UACA: variants seen among roughly 807,000 people sequenced by gnomAD.
UACA encodes nuclear membrane binding protein.
In UACA, 112 loss-of-function variants were observed where a neutral mutation model predicts 160.5. The observed-to-expected ratio is 0.70, with a 90% CI of 0.60 to 0.82. UACA has a LOEUF of 0.82. Among genes scored for constraint, UACA ranks in the 40% least tolerant of loss-of-function variants. The probability of loss-of-function intolerance (pLI) is 0.00; values close to 1 mark genes in which losing one functional copy is unlikely to be tolerated. For missense variants in UACA, 1,574 were observed against 1,614.6 expected (o/e 0.97, Z 0.43); for synonymous variants, 557 against 568.4 (o/e 0.98, Z 0.29).
At chr15:70,708,292 G>T (rs575017319) in intron 1 of UACA, among the ~76,000 whole-genome samples, 1 of 152,220 alleles carries the variant, frequency 6.6e-6, no homozygotes, top group African/African-American at 2.4e-5. Flanking sequence ...GGGAGCTATT[G>T]TTTAATGGGT....
chr15:70,756,599 G>T (rs571085943), intron 1 of UACA, among the ~76,000 whole-genome samples: 1 of 152,292 alleles, frequency 6.6e-6, no homozygotes, highest in African/African-American at 2.4e-5. Flanking sequence ...TCAGCTGGGC[G>T]AGGTGGCTCA....
the UACA span, among the ~76,000 whole-genome samples, chr15:70,772,310 A>G: frequency 0.18 from 27,450 of 151,574 alleles, 3,775 homozygotes; most frequent in African/African-American, 0.39. Flanking sequence ...TGGCTAACAC[A>G]GTGAAATCCC....
chr15:70,680,206 G>T (rs986742692), intron 9 of UACA, among the ~76,000 whole-genome samples: 6 of 152,096 alleles, frequency 3.9e-5, no homozygotes, highest in Non-Finnish European at 7.4e-5. Context: ...AAATAACTTG[G>T]TTGGGTGTAT....
At chr15:70,752,474 TTTTTA>T (rs2030143998) in intron 1 of UACA, among the ~76,000 whole-genome samples, 1 of 152,100 alleles carries the variant, frequency 6.6e-6, no homozygotes, top group African/African-American at 2.4e-5. Flanking sequence ...CACTCCTACT[TTTTTA>T]AAAGTGTAGA....
At chr15:70,716,114 T>C (rs1898814124) in intron 1 of UACA, among the ~76,000 whole-genome samples, 1 of 152,170 alleles carries the variant, frequency 6.6e-6, no homozygotes, top group African/African-American at 2.4e-5. Context: ...CCTGGACTTG[T>C]AACTTAATTT....
chr15:70,703,645 G>A (rs1436025351), intron 1 of UACA, among the ~76,000 whole-genome samples: 3 of 152,150 alleles, frequency 2.0e-5, no homozygotes, highest in Non-Finnish European at 4.4e-5. Context: ...CAGCAAAGGC[G>A]AAGGAAGAGG....
At chr15:70,776,396 T>C in the UACA span, among the ~76,000 whole-genome samples, 1 of 151,678 alleles carries the variant, frequency 6.6e-6, no homozygotes, top group Non-Finnish European at 1.5e-5. Context: ...TATATCCACA[T>C]GACTAATTGC....
At chr15:70,762,803 C>T (rs538136101) in intron 1 of UACA, among the ~76,000 whole-genome samples, 6 of 152,392 alleles carry the variant, frequency 3.9e-5, no homozygotes, top group Non-Finnish European at 7.3e-5. Flanking sequence ...GGACGTCCAC[C>T]AGCCCGGCAG....
chr15:70,699,635 T>C lies in UACA; in HGVS notation c.104A>G (p.Asp35Gly). 11 of 1,611,022 alleles carry C rather than the reference T, an allele frequency of 6.8e-6. No homozygotes were observed. Among genetic ancestry groups the C allele is most frequent in the Non-Finnish European group, 9.3e-6 (11 of 1,179,252 alleles). Residue 35 changes from aspartate to glycine, a missense_variant, in exon 2 of 19, where the codon GAT becomes GGT. Transcript: ENST00000322954. ...SAHAADWNKY[D>G]DRLMKAAERG... is the part of the protein sequence containing the mutation. ...TTCTGCTGCTTTCATCAATCGGTCA[T>C]CATATTTATTCCAATCTGCTGCATG...
intron 1 of UACA, among the ~76,000 whole-genome samples, chr15:70,741,891 C>A (rs11855828): frequency 0.14 from 20,556 of 152,050 alleles, 1,714 homozygotes; most frequent in African/African-American, 0.23. Context: ...CAACAAAAAC[C>A]TACCTGATAG....
At chr15:70,672,900 GC>G (rs1897184811) in intron 13 of UACA, among the ~76,000 whole-genome samples, 1 of 152,108 alleles carries the variant, frequency 6.6e-6, no homozygotes, top group African/African-American at 2.4e-5. Context: ...TTCAAGACCA[GC>G]TTGGCCAACA....
At chr15:70,663,862 C>T (rs1206882389) in intron 17 of UACA, among the ~76,000 whole-genome samples, 2 of 110,624 alleles carry the variant, frequency 1.8e-5, no homozygotes. Flanking sequence ...CACACTGGGG[C>T]CTGTTGTGGG....
intron 1 of UACA, among the ~76,000 whole-genome samples, chr15:70,716,271 CACCAGCAAG>C (rs1366107123): frequency 3.3e-5 from 5 of 152,164 alleles, no homozygotes; most frequent in Non-Finnish European, 2.9e-5. Flanking sequence ...CACCCAGCCA[CACCAGCAAG>C]CATCATGTGC....
In UACA at chr15:70,669,135, G is replaced by T; in HGVS notation, c.1549C>A (p.Gln517Lys). Residue 517 changes from glutamine to lysine, a missense_variant, in exon 16 of 19, where the codon CAG becomes AAG. Coordinates refer to ENST00000322954, the MANE Select transcript of UACA (RefSeq NM_018003.4). ...TCTTTAAGGGCAAGAAAATGGGTCT[G>T]CATTTGTTTAACTTTACCTTCTGAC... ...YESEGKVKQM[Q>K]THFLALKEHL... The T allele has an allele frequency of 6.2e-7, 1 of 1,614,062 alleles. No homozygotes were observed. Among genetic ancestry groups the T allele is most frequent in the Non-Finnish European group, 8.5e-7 (1 of 1,179,988 alleles).
chr15:70,708,306 G>C (rs1347365851), intron 1 of UACA, among the ~76,000 whole-genome samples: 1 of 152,118 alleles, frequency 6.6e-6, no homozygotes, highest in Admixed American at 6.6e-5. Flanking sequence ...AATGGGTATA[G>C]AGTTTCAATT....
chr15:70,714,684 A>G (rs1424814925), intron 1 of UACA, among the ~76,000 whole-genome samples: 1 of 152,158 alleles, frequency 6.6e-6, no homozygotes, highest in African/African-American at 2.4e-5. Flanking sequence ...AAAATTGAAG[A>G]ACTGGAGTCA....
intron 1 of UACA, among the ~76,000 whole-genome samples, chr15:70,713,768 T>G (rs1015132878): frequency 6.6e-6 from 1 of 152,172 alleles, no homozygotes; most frequent in Admixed American, 6.5e-5. Context: ...ACCAGCTGAA[T>G]CTTAACTTGC....
intron 13 of UACA, among the ~76,000 whole-genome samples, chr15:70,674,891 G>T (rs555650103): frequency 2.6e-5 from 4 of 152,128 alleles, no homozygotes; most frequent in Non-Finnish European, 5.9e-5. Context: ...GAGACACTGC[G>T]CCTGGCCTAT....
chr15:70,657,467 C>T (rs1273714183), intron 18 of UACA, among the ~76,000 whole-genome samples: 2 of 151,810 alleles, frequency 1.3e-5, no homozygotes, highest in Non-Finnish European at 1.5e-5. Context: ...AAAAATTAGA[C>T]GGGTGTAATC....
Sources: gnomAD v4.1 joint callset for allele counts (sites outside exome capture counted in the v4.1 genomes callset) on GRCh38, gnomAD v4.1.1 for gene constraint, MANE v1.5 for transcripts, NCBI Gene and HGNC (gene_info 2026-07-23, HGNC 2026-07-21) for gene names.